Variants in CRYBG1 observed in about 807,000 individuals in gnomAD.
CRYBG1 encodes the protein beta/gamma crystallin domain-containing protein 1.
CRYBG1 carries 139 observed loss-of-function variants against 189.2 expected under a neutral mutation model. The observed-to-expected ratio is 0.73, with a 90% CI of 0.64 to 0.85. CRYBG1 has a LOEUF of 0.85. CRYBG1 is among the 40% of genes least tolerant of loss of function. The pLI is 0.00. For missense variants in CRYBG1, 2,611 were observed against 2,675.8 expected, an observed-to-expected ratio of 0.98 and a Z score of 0.53; for synonymous variants, 1,023 against 1,017.1, an observed-to-expected ratio of 1.01 and a Z score of -0.11.
intron 1 of CRYBG1, among the ~76,000 whole-genome samples, chr6:106,413,454 A>C (rs1770966503): frequency 6.6e-6 from 1 of 152,176 alleles, no homozygotes; most frequent in Non-Finnish European, 1.5e-5. Flanking sequence ...AGGTGGGTGG[A>C]TCGCCTGAGG....
At chr6:106,438,382 G>C (rs1201713484) in intron 1 of CRYBG1, among the ~76,000 whole-genome samples, 2 of 152,186 alleles carry the variant, frequency 1.3e-5, no homozygotes, top group Non-Finnish European at 2.9e-5. Context: ...TCACTTAACA[G>C]TTTTTTCTCT....
intron 1 of CRYBG1, among the ~76,000 whole-genome samples, chr6:106,434,339 A>G (rs116872900): frequency 0.013 from 1,955 of 152,312 alleles, 26 homozygotes; most frequent in Non-Finnish European, 0.02. Context: ...TAGCTACAAC[A>G]GTAGTCAAAA....
Position 106,490,587 on chromosome 6 carries a change from C to G in CRYBG1, c.313-20843C>G, listed in dbSNP as rs553134916. 3.9e-5 allele frequency among the ~76,000 whole-genome samples: 6 copies of G among 152,196 alleles called. No homozygotes were observed. In the South Asian group the frequency reaches 1.0e-3, roughly 26 times the overall value. On this transcript the variant is annotated intron_variant, in intron 2 of 21. Transcript: ENST00000633556. ...GAAATATGTTTATATGAATTTTTTT[C>G]CAATATGATATGGAAGGGCAGGGCT...
In CRYBG1 at chr6:106,511,919, G is replaced by T; in HGVS notation, c.802G>T (p.Ala268Ser). The T allele has an allele frequency of 6.6e-7, 1 of 1,524,556 alleles. No individual in the cohort carries two copies. Among genetic ancestry groups the T allele is most frequent in the African/African-American group, 1.4e-5 (1 of 72,846 alleles). 94.4% of individuals were successfully genotyped at this position (1,524,556 alleles called of 1,614,324 possible). A position where few individuals can be genotyped will look rare whatever the true frequency, so the allele number is the denominator to read the frequency against. ...GGGAAATTCCTCCAGGCAAGAGAAC[G>T]CAGAGACGCCCGCCCGCAGTCCGGG... ...SPGNSSRQEN[A>S]ETPARSPGED... is the part of the protein sequence containing the mutation. Residue 268 changes from alanine (A) to serine (S), a missense_variant, in exon 3 of 22, where the codon GCA (alanine) becomes TCA (serine). Physicochemically the swap from Ala to Ser is moderately conservative, Grantham distance 99. Coordinates refer to ENST00000633556, the MANE Select transcript of CRYBG1 (RefSeq NM_001371242.2).
chr6:106,560,365 C>G (rs1319436220), intron 18 of CRYBG1, among the ~76,000 whole-genome samples: 1 of 152,152 alleles, frequency 6.6e-6, no homozygotes, highest in African/African-American at 2.4e-5. Flanking sequence ...AGTATCTTAG[C>G]AGTTTTTTAG....
chr6:106,512,543 G>C lies in CRYBG1; in HGVS notation c.1426G>C (p.Gly476Arg). The C allele has an allele frequency of 6.2e-7, 1 of 1,608,016 alleles. No homozygotes were observed. Among genetic ancestry groups the C allele is most frequent in the Admixed American group, 1.7e-5 (1 of 59,570 alleles). Residue 476 changes from glycine (G) to arginine (R), a missense_variant, in exon 3 of 22, where the codon GGG becomes CGG. Gly to Arg is a moderately radical substitution (Grantham distance 125). Coordinates refer to ENST00000633556, the MANE Select transcript of CRYBG1 (RefSeq NM_001371242.2). ...KVKSPRAALD[G>R]GVASAASPES... ...GAAATCTCCGCGGGCAGCCCTCGAC[G>C]GGGGCGTTGCCTCCGCTGCGAGCCC...
intron 8 of CRYBG1, among the ~76,000 whole-genome samples, chr6:106,538,679 G>A (rs1034231364): frequency 1.3e-5 from 2 of 152,070 alleles, no homozygotes; most frequent in African/African-American, 4.8e-5. Flanking sequence ...GATCACCTGA[G>A]GCCAGGAGTT....
chr6:106,462,453 C>T (rs1178873938), intron 2 of CRYBG1, among the ~76,000 whole-genome samples: 2 of 152,214 alleles, frequency 1.3e-5, no homozygotes, highest in East Asian at 3.8e-4. Context: ...GCCACCGCGC[C>T]CGGCCTTTTC....
intron 1 of CRYBG1, among the ~76,000 whole-genome samples, chr6:106,440,694 C>T (rs1003092762): frequency 1.2e-4 from 19 of 152,256 alleles, no homozygotes; most frequent in African/African-American, 4.6e-4. Context: ...AAGGGAAAAA[C>T]CATGAATCTT....
intron 3 of CRYBG1, 22 bp from the exon 4 acceptor site, chr6:106,519,109 T>C (rs1476348884): frequency 1.9e-6 from 3 of 1,581,960 alleles, no homozygotes; most frequent in Non-Finnish European, 2.6e-6. Context: ...AATAACTTTA[T>C]CTTCCTGCTT....
At position 106,528,272 on chromosome 6, in the gene CRYBG1, T is replaced by C. The variant is rs773228829; in HGVS notation, c.4578+802T>C. On this transcript the variant is annotated intron_variant, in intron 7 of 21. Transcript: ENST00000633556. ...ATTTATCTTTTATTTGTTTTAAGTA[T>C]ATAATACGAGAAGACTAAGTAAGAC... Among the ~76,000 whole-genome samples, 45 of 152,344 alleles carry C rather than the reference T, an allele frequency of 3.0e-4. 1 individual carries two copies. Among genetic ancestry groups the C allele is most frequent in the African/African-American group, 9.9e-4 (41 of 41,576 alleles).
rs777224294 is a variant in CRYBG1 at position 106,521,042 on chromosome 6, A to G, written c.3834A>G (p.Leu1278=). Residue 1278 remains leucine (L), a synonymous_variant, in exon 4 of 22, where the codon CTA becomes CTG. Transcript: ENST00000633556. ...TAFSTSQNGS[L]SQSSVSQPTT... Reference sequence around the variant, plus strand: ...TCAGTACTTCTCAGAACGGTTCCCTATCTCAGTCTTCAGTGTCACAGCCCA... The same window carrying G: ...TCAGTACTTCTCAGAACGGTTCCCTGTCTCAGTCTTCAGTGTCACAGCCCA... 1.2e-6 allele frequency: 2 copies of G among 1,614,178 alleles called. No individual in the cohort carries two copies. The highest frequency in any genetic ancestry group is 1.1e-5 in the South Asian group (1 of 91,086).
intron 1 of CRYBG1, among the ~76,000 whole-genome samples, chr6:106,393,633 A>T (rs551369784): frequency 6.7e-6 from 1 of 150,242 alleles, no homozygotes; most frequent in East Asian, 1.9e-4. Flanking sequence ...TTGTGGATTC[A>T]TAAGGCTGTG....
chr6:106,376,000 C>T (rs1770155971), intron 1 of CRYBG1, among the ~76,000 whole-genome samples: 1 of 151,896 alleles, frequency 6.6e-6, no homozygotes, highest in African/African-American at 2.4e-5. Flanking sequence ...TATGGTATTT[C>T]TCTCTCTCTC....
chr6:106,468,756 C>T (rs1327778513), intron 2 of CRYBG1, among the ~76,000 whole-genome samples: 1 of 152,194 alleles, frequency 6.6e-6, no homozygotes, highest in African/African-American at 2.4e-5. Context: ...AGATGTGATA[C>T]ATGAAATGCA....
chr6:106,386,972 G>T (rs886747755), intron 1 of CRYBG1, among the ~76,000 whole-genome samples: 4 of 152,162 alleles, frequency 2.6e-5, no homozygotes, highest in Non-Finnish European at 5.9e-5. Flanking sequence ...TGAGACAATA[G>T]CTCGTATTTC....
intron 2 of CRYBG1, among the ~76,000 whole-genome samples, chr6:106,484,275 G>A (rs1162178378): frequency 1.3e-5 from 2 of 150,966 alleles, no homozygotes; most frequent in Non-Finnish European, 2.9e-5. Context: ...GTCAGGTAGT[G>A]CGATGCCTCC....
At chr6:106,365,093 G>A (rs1771958419) in intron 1 of CRYBG1, among the ~76,000 whole-genome samples, 1 of 151,958 alleles carries the variant, frequency 6.6e-6, no homozygotes, top group South Asian at 2.1e-4. Flanking sequence ...GCCACTTTGT[G>A]TTATTTTGGT....
intron 1 of CRYBG1, among the ~76,000 whole-genome samples, chr6:106,365,633 C>T (rs1771973046): frequency 7.9e-6 from 1 of 126,924 alleles, no homozygotes; most frequent in Non-Finnish European, 1.8e-5. Flanking sequence ...AGCTAAAGGT[C>T]AAAAGCAGTG....
Sources: gnomAD v4.1 joint callset for allele counts (sites outside exome capture counted in the v4.1 genomes callset) on GRCh38, gnomAD v4.1.1 for gene constraint, MANE v1.5 for transcripts, NCBI Gene and HGNC (gene_info 2026-07-23, HGNC 2026-07-21) for gene names.